Variants in PCLO observed in about 807,000 individuals in gnomAD.
The protein encoded by PCLO is protein piccolo.
Under a neutral mutation model 427.5 loss-of-function variants are expected in PCLO, and 82 were observed. The observed-to-expected ratio is 0.19, with a 90% CI of 0.16 to 0.23. PCLO has a LOEUF of 0.23. Ranked by LOEUF, PCLO falls within the 10% of genes least tolerant of loss-of-function variation. The pLI is 1.00. For missense variants in PCLO, 6,239 were observed against 6,115.9 expected (o/e 1.02, Z -0.67); for synonymous variants, 2,357 against 2,155.4 (o/e 1.09, Z -2.59).
intron 10 of PCLO, among the ~76,000 whole-genome samples, chr7:82,877,547 G>A (rs1370540443): frequency 6.6e-6 from 1 of 152,136 alleles, no homozygotes; most frequent in Non-Finnish European, 1.5e-5. Flanking sequence ...TATACGCCAA[G>A]TACTTTGCTT....
intron 2 of PCLO, among the ~76,000 whole-genome samples, chr7:83,144,892 A>G (rs1388258675): frequency 1.3e-5 from 2 of 152,220 alleles, no homozygotes; most frequent in African/African-American, 2.4e-5. Context: ...AAATCTGTTC[A>G]TAAGAGTTGT....
chr7:83,091,834 T>G (rs73170036), intron 3 of PCLO, among the ~76,000 whole-genome samples: 4,929 of 152,290 alleles, frequency 0.032, 116 homozygotes, highest in Non-Finnish European at 0.051. Context: ...AGGTTTTAAC[T>G]ATTTGCCATA....
rs1792300955 is a variant in PCLO at position 83,156,375 on chromosome 7, C to T, written c.266G>A (p.Ser89Asn). 3.9e-6 allele frequency: 6 copies of T among 1,542,054 alleles called. No homozygotes were observed. Among genetic ancestry groups the T allele is most frequent in the Admixed American group, 1.9e-5 (1 of 51,506 alleles). ...PSMHRKQELD[S>N]SHPPKQSGRP... is the part of the protein sequence containing the mutation. ...TCCTGATTGCTTTGGAGGATGACTA[C>T]TATCCAACTCTTGTTTCCTAGAAGA... Residue 89 changes from serine (S) to asparagine (N), a missense_variant, in exon 2 of 25, where the codon AGT becomes AAT. This residue lies in a region of PCLO where 4,677 missense variants were observed against 4,468.4 expected (regional missense o/e 1.05). Transcript: ENST00000333891.
intron 3 of PCLO, among the ~76,000 whole-genome samples, chr7:83,014,141 T>C (rs535534742): frequency 2.0e-5 from 3 of 152,240 alleles, no homozygotes; most frequent in Non-Finnish European, 4.4e-5. Flanking sequence ...TATCTTCCCT[T>C]AAGATATGTA....
intron 10 of PCLO, among the ~76,000 whole-genome samples, chr7:82,850,747 G>T (rs1340801344): frequency 6.6e-6 from 1 of 151,994 alleles, no homozygotes; most frequent in Non-Finnish European, 1.5e-5. Context: ...CTTCATATGT[G>T]GTAGGCACTA....
At chr7:82,766,067 T>C (rs1309427337) in intron 22 of PCLO, among the ~76,000 whole-genome samples, 1 of 152,070 alleles carries the variant, frequency 6.6e-6, no homozygotes, top group Non-Finnish European at 1.5e-5. Flanking sequence ...CACAAAATCT[T>C]GTCAGGAAAA....
chr7:82,999,589 T>C (rs190376779), intron 3 of PCLO, among the ~76,000 whole-genome samples: 14 of 27,506 alleles, frequency 5.1e-4, no homozygotes, highest in African/African-American at 3.2e-3. Context: ...TATATTAAAA[T>C]ATAAAATATA....
chr7:82,843,666 T>A (rs1389650736), intron 13 of PCLO, among the ~76,000 whole-genome samples: 1 of 60,210 alleles, frequency 1.7e-5, no homozygotes, highest in African/African-American at 3.6e-5. Context: ...AACGTATTCA[T>A]TTTTTTTTTT....
At chr7:82,787,452 A>G (rs1368474029) in intron 22 of PCLO, among the ~76,000 whole-genome samples, 2 of 152,136 alleles carry the variant, frequency 1.3e-5, no homozygotes, top group African/African-American at 2.4e-5. Flanking sequence ...ATCTCATTCT[A>G]TTGTTTTAAC....
chr7:83,112,524 A>T (rs1225516262), intron 3 of PCLO, among the ~76,000 whole-genome samples: 1 of 152,200 alleles, frequency 6.6e-6, no homozygotes, highest in Non-Finnish European at 1.5e-5. Context: ...AAGAAATCTC[A>T]GACCACAGCT....
At chr7:82,856,467 T>A (rs974673475) in intron 10 of PCLO, among the ~76,000 whole-genome samples, 2 of 152,112 alleles carry the variant, frequency 1.3e-5, no homozygotes, top group Admixed American at 1.3e-4. Context: ...CAAAAGCCAC[T>A]TTATGGCTAC....
chr7:82,755,304 T>C lies in PCLO; in HGVS notation c.*3271A>G, dbSNP rs937621737. ...AATATTAAAGAGTAAAGATAACTGA[T>C]GCCCCTTAGTCTTGATATTTTAAAC... On this transcript the variant is annotated 3_prime_UTR_variant, in exon 25 of 25. Coordinates refer to ENST00000333891, the MANE Select transcript of PCLO (RefSeq NM_033026.6). The C allele has an allele frequency of 6.6e-6, 1 of 152,128 alleles. No homozygotes were observed. Among genetic ancestry groups the C allele is most frequent in the African/African-American group, 2.4e-5 (1 of 41,444 alleles). The allele number at this position is 152,128 out of a possible 1,614,324, so 9.4% of individuals were successfully genotyped here.
intron 3 of PCLO, among the ~76,000 whole-genome samples, chr7:83,072,206 TGA>T (rs1231711995): frequency 1.3e-5 from 2 of 152,082 alleles, no homozygotes; most frequent in Non-Finnish European, 2.9e-5. Flanking sequence ...GAAAAATGTA[TGA>T]GAAAATGTGT....
At chr7:83,159,304 T>C (rs142967926) in intron 1 of PCLO, among the ~76,000 whole-genome samples, 1 of 152,140 alleles carries the variant, frequency 6.6e-6, no homozygotes, top group East Asian at 1.9e-4. Context: ...AGAAGCCCAG[T>C]AGGGAAGGCT....
chr7:82,946,997 A>G (rs1003580283), intron 6 of PCLO, among the ~76,000 whole-genome samples: 2 of 152,152 alleles, frequency 1.3e-5, no homozygotes, highest in African/African-American at 2.4e-5. Context: ...AGCAGATTAG[A>G]TCTCCAGTGA....
At chr7:83,090,893 T>A (rs1435623828) in intron 3 of PCLO, among the ~76,000 whole-genome samples, 1 of 152,164 alleles carries the variant, frequency 6.6e-6, no homozygotes, top group African/African-American at 2.4e-5. Context: ...TTAGGAGTAC[T>A]TCCTTTTGAT....
At chr7:83,005,808 T>C (rs1787933018) in intron 3 of PCLO, among the ~76,000 whole-genome samples, 1 of 151,592 alleles carries the variant, frequency 6.6e-6, no homozygotes, top group African/African-American at 2.4e-5. Context: ...AGTAAAGGAA[T>C]ACAACTTTCA....
At chr7:82,829,094 T>C (rs898304477) in intron 16 of PCLO, among the ~76,000 whole-genome samples, 1 of 152,148 alleles carries the variant, frequency 6.6e-6, no homozygotes, top group African/African-American at 2.4e-5. Context: ...CAGCCACTAA[T>C]TTACCTATAC....
intron 22 of PCLO, among the ~76,000 whole-genome samples, chr7:82,790,833 T>A (rs1174619679): frequency 6.6e-6 from 1 of 152,226 alleles, no homozygotes; most frequent in South Asian, 2.1e-4. Context: ...GTAAACTCCT[T>A]AAAACCTGTA....
Sources: gnomAD v4.1 joint callset for allele counts (sites outside exome capture counted in the v4.1 genomes callset) on GRCh38, gnomAD v4.1.1 for gene constraint, gnomAD v4.1.1 regional missense constraint, MANE v1.5 for transcripts, NCBI Gene and HGNC (gene_info 2026-07-23, HGNC 2026-07-21) for gene names.